The following TMTC1 variants were observed in gnomAD, a reference collection of about 807,000 sequenced individuals.
TMTC1 encodes the protein transmembrane O-mannosyltransferase targeting cadherins 1.
Under a neutral mutation model 104.8 loss-of-function variants are expected in TMTC1, and 73 were observed. The observed-to-expected ratio is 0.70, with a 90% CI of 0.58 to 0.85. The LOEUF (loss-of-function observed/expected upper bound fraction) is 0.85. TMTC1 is among the 40% of genes least tolerant of loss of function. TMTC1 has a pLI of 0.00. For missense variants in TMTC1, 1,035 were observed against 1,096.1 expected, an observed-to-expected ratio of 0.94 and a Z score of 0.79; for synonymous variants, 434 against 428.7, an observed-to-expected ratio of 1.01 and a Z score of -0.15.
chr12:29,536,298 C>A lies in TMTC1; in HGVS notation c.1696G>T (p.Glu566Ter). Residue 566 changes from glutamate (E) to a stop codon, truncating the protein, a stop_gained, in exon 11 of 18, where the codon GAA (glutamate) becomes TAA (stop). Coordinates refer to ENST00000539277, the MANE Select transcript of TMTC1 (RefSeq NM_001193451.2). LOFTEE classifies it high-confidence loss of function. ...GAATCCTTCAGTAAGGTGATAGCTT[C>A]TTCCTTTTTCTCCTGGGACCTATAG... is the stretch of plus-strand genomic sequence containing the variant. ...NLLKSQEKKE[E>*]AITLLKDSIK... 6.2e-7 allele frequency: 1 copy of A among 1,609,808 alleles called. No individual in the cohort carries two copies. The highest frequency in any genetic ancestry group is 1.1e-5 in the South Asian group (1 of 90,186).
intron 5 of TMTC1, among the ~76,000 whole-genome samples, chr12:29,732,510 T>TA (rs888044954): frequency 6.6e-6 from 1 of 152,302 alleles, no homozygotes; most frequent in Admixed American, 6.5e-5. Context: ...GAGATTGCCT[T>TA]AAAGGCCAGA....
At chr12:29,675,743 C>T (rs1236458947) in intron 5 of TMTC1, among the ~76,000 whole-genome samples, 1 of 152,046 alleles carries the variant, frequency 6.6e-6, no homozygotes, top group Non-Finnish European at 1.5e-5. Flanking sequence ...AACATGAGAA[C>T]TAGAATTTTC....
intron 5 of TMTC1, among the ~76,000 whole-genome samples, chr12:29,692,032 TTG>T (rs746451830): frequency 8.3e-5 from 12 of 145,378 alleles, no homozygotes; most frequent in Middle Eastern, 3.5e-3. Flanking sequence ...CATGAGCACA[TTG>T]TGATATAAAT....
chr12:29,705,562 CT>C (rs1345534169), intron 5 of TMTC1, among the ~76,000 whole-genome samples: 1 of 152,156 alleles, frequency 6.6e-6, no homozygotes, highest in African/African-American at 2.4e-5. Flanking sequence ...CTTGCTTACA[CT>C]GCTTGTCCAG....
chr12:29,758,866 G>A (rs1003723677), intron 2 of TMTC1, 89 bp from the exon 3 acceptor site: 84 of 1,151,626 alleles, frequency 7.3e-5, no homozygotes, highest in Middle Eastern at 2.1e-4. Context: ...TGTATTTGTT[G>A]TTAGATAAAT....
intron 7 of TMTC1, among the ~76,000 whole-genome samples, chr12:29,592,981 A>G (rs1446644425): frequency 6.6e-6 from 1 of 152,230 alleles, no homozygotes; most frequent in Non-Finnish European, 1.5e-5. Flanking sequence ...TATTAGGTAC[A>G]GTGGAACACA....
intron 7 of TMTC1, among the ~76,000 whole-genome samples, chr12:29,590,597 C>G (rs926257133): frequency 1.3e-5 from 2 of 152,246 alleles, no homozygotes; most frequent in East Asian, 3.9e-4. Context: ...CCAGCCTGAT[C>G]AACATGGTGA....
intron 7 of TMTC1, among the ~76,000 whole-genome samples, chr12:29,587,283 C>T (rs1012822472): frequency 6.6e-6 from 1 of 151,824 alleles, no homozygotes; most frequent in African/African-American, 2.4e-5. Context: ...GTGGTGATAT[C>T]CCCTTTATCA....
intron 5 of TMTC1, among the ~76,000 whole-genome samples, chr12:29,742,223 C>T (rs996885600): frequency 3.3e-5 from 5 of 152,156 alleles, no homozygotes; most frequent in South Asian, 4.1e-4. Context: ...AAACATTATT[C>T]CTTCCATCCA....
chr12:29,629,964 G>A (rs575881851), intron 6 of TMTC1, among the ~76,000 whole-genome samples: 1 of 151,830 alleles, frequency 6.6e-6, no homozygotes, highest in South Asian at 2.1e-4. Context: ...ATATTTAATC[G>A]TTTTTTATAC....
chr12:29,743,182 T>C lies in TMTC1; in HGVS notation c.938+8484A>G, dbSNP rs537858112. ...CACAAGGAAACTGAGACACAGAGCGTGTAAGCAATCTGTAAAAGATCATAT... is the reference window on the plus strand; with the variant it reads ...CACAAGGAAACTGAGACACAGAGCGCGTAAGCAATCTGTAAAAGATCATAT... On this transcript the variant is annotated intron_variant, in intron 5 of 17. Coordinates refer to ENST00000539277, the MANE Select transcript of TMTC1 (RefSeq NM_001193451.2). Among the ~76,000 whole-genome samples the C allele has an allele frequency of 9.2e-5, 14 of 152,228 alleles. No individual in the cohort carries two copies. In the South Asian group the frequency reaches 2.3e-3, roughly 25 times the overall value.
intron 5 of TMTC1, among the ~76,000 whole-genome samples, chr12:29,650,225 T>C (rs1199138727): frequency 1.3e-5 from 2 of 151,918 alleles, no homozygotes; most frequent in African/African-American, 2.4e-5. Flanking sequence ...GCTGGGATTA[T>C]AGACGTGCAC....
chr12:29,672,740 C>T (rs1038694435), intron 5 of TMTC1, among the ~76,000 whole-genome samples: 1 of 152,188 alleles, frequency 6.6e-6, no homozygotes, highest in Non-Finnish European at 1.5e-5. Flanking sequence ...TGAGTTCTCT[C>T]AGGGGCCAAG....
chr12:29,777,027 A>C (rs1943725917), intron 1 of TMTC1, among the ~76,000 whole-genome samples: 1 of 152,152 alleles, frequency 6.6e-6, no homozygotes, highest in South Asian at 2.1e-4. Context: ...GAAAAGAAAC[A>C]GTATCTTATT....
intron 1 of TMTC1, among the ~76,000 whole-genome samples, chr12:29,776,957 G>C (rs1943723869): frequency 6.6e-6 from 1 of 152,188 alleles, no homozygotes; most frequent in African/African-American, 2.4e-5. Context: ...GAATGAGGTG[G>C]AGATTGGTAG....
chr12:29,754,156 C>T (rs548373821), intron 4 of TMTC1, among the ~76,000 whole-genome samples: 25 of 143,466 alleles, frequency 1.7e-4, no homozygotes, highest in Non-Finnish European at 3.0e-4. Context: ...TGAGCCACCA[C>T]GCCCAGCCTA....
intron 11 of TMTC1, chr12:29,533,291 A>C (rs947519901): frequency 2.2e-4 from 34 of 152,326 alleles, no homozygotes; most frequent in African/African-American, 7.9e-4. Flanking sequence ...AGGTTACAAC[A>C]GAGTAAGGAA....
At chr12:29,677,847 C>T (rs1347807328) in intron 5 of TMTC1, among the ~76,000 whole-genome samples, 3 of 152,184 alleles carry the variant, frequency 2.0e-5, no homozygotes, top group South Asian at 2.1e-4. Context: ...GCAAAAGCAG[C>T]GATGCTGCCA....
chr12:29,743,076 A>G (rs1174940544), intron 5 of TMTC1, among the ~76,000 whole-genome samples: 3 of 152,252 alleles, frequency 2.0e-5, no homozygotes, highest in African/African-American at 7.2e-5. Context: ...GAGCTATCAT[A>G]AGCTGTTTCA....
Sources: allele counts gnomAD v4.1 joint callset (sites outside exome capture counted in the v4.1 genomes callset), GRCh38; gene constraint gnomAD v4.1.1; transcripts MANE v1.5; gene names NCBI Gene and HGNC (gene_info 2026-07-23, HGNC 2026-07-21).